Variants in CAMK2A observed in about 807,000 individuals in gnomAD.
CAMK2A encodes the protein calcium/calmodulin-dependent protein kinase type II subunit alpha.
Under a neutral mutation model 79.2 loss-of-function variants are expected in CAMK2A, and 7 were observed. That is an observed-to-expected ratio of 0.09 (90% CI 0.05 to 0.17). The LOEUF (loss-of-function observed/expected upper bound fraction) is 0.17, where lower values mean the gene tolerates loss of function less well. Ranked by LOEUF, CAMK2A falls within the 10% of genes least tolerant of loss-of-function variation. The pLI, the probability that CAMK2A is intolerant of heterozygous loss-of-function variation, is 1.00. For synonymous variants in CAMK2A, 242 were observed against 251.7 expected (o/e 0.96, Z 0.36); for missense variants, 214 against 646.4 (o/e 0.33, Z 7.25).
At chr5:150,257,444 C>A (rs1405232766) in intron 4 of CAMK2A, 119 bp downstream of exon 4, 10 of 857,900 alleles carry the variant, frequency 1.2e-5, no homozygotes, top group Non-Finnish European at 1.7e-5. Context: ...GGCAGGCCCA[C>A]CACATTTGGG....
chr5:150,270,002 C>T (rs1200600271), intron 2 of CAMK2A, among the ~76,000 whole-genome samples: 1 of 152,094 alleles, frequency 6.6e-6, no homozygotes, highest in African/African-American at 2.4e-5. Flanking sequence ...GAGAGTGGGG[C>T]CTGTGGAGGT....
intron 1 of CAMK2A, among the ~76,000 whole-genome samples, chr5:150,283,432 T>C (rs1757295688): frequency 1.3e-5 from 2 of 152,172 alleles, no homozygotes; most frequent in African/African-American, 4.8e-5. Context: ...TGGAGTGCAG[T>C]GGCATGATCA....
At chr5:150,279,169 C>T (rs529190935) in intron 1 of CAMK2A, among the ~76,000 whole-genome samples, 377 of 152,244 alleles carry the variant, frequency 2.5e-3, no homozygotes, top group African/African-American at 8.7e-3. Context: ...CTGTCCACTG[C>T]GGCAGCCACT....
chr5:150,239,863 C>T (rs560718986), intron 13 of CAMK2A, 127 bp from the exon 14 acceptor site: 38 of 816,406 alleles, frequency 4.7e-5, no homozygotes, highest in Admixed American at 1.7e-4. Flanking sequence ...AGTCCTTTGT[C>T]GGCTTGGCAT....
intron 15 of CAMK2A, among the ~76,000 whole-genome samples, chr5:150,233,676 A>G (rs1562141307): frequency 6.6e-6 from 1 of 152,150 alleles, no homozygotes; most frequent in Non-Finnish European, 1.5e-5. Context: ...CCTGGTAGCC[A>G]CTGTCCCTAG....
chr5:150,248,786 CA>C (rs1281800950), intron 11 of CAMK2A, among the ~76,000 whole-genome samples: 2 of 152,014 alleles, frequency 1.3e-5, no homozygotes. Flanking sequence ...AGTAGTGCCG[CA>C]ATAAATATAT....
chr5:150,226,901 A>T (rs1010765100), intron 17 of CAMK2A, among the ~76,000 whole-genome samples: 3 of 150,822 alleles, frequency 2.0e-5, no homozygotes, highest in Admixed American at 6.6e-5. Flanking sequence ...CCTCCCGAGC[A>T]GCTGGGATTA....
chr5:150,265,004 G>A lies in CAMK2A; in HGVS notation c.169C>T (p.Leu57=). 2 of 1,613,532 alleles carry A rather than the reference G, an allele frequency of 1.2e-6. No individual in the cohort carries two copies. The highest frequency in any genetic ancestry group is 1.1e-5 in the South Asian group (1 of 91,082). Residue 57 remains leucine, a synonymous_variant, in exon 3 of 19, where the codon CTG becomes TTG. Coordinates refer to ENST00000671881, the MANE Select transcript of CAMK2A (RefSeq NM_015981.4). ...CGGCAGATGCGGGCTTCACGCTCCAGCTTCTGATGGTCTGAAACACAGAGG... is the reference window on the plus strand; with the variant it reads ...CGGCAGATGCGGGCTTCACGCTCCAACTTCTGATGGTCTGAAACACAGAGG... ...KKLSARDHQK[L]EREARICRLL...
intron 7 of CAMK2A, among the ~76,000 whole-genome samples, chr5:150,252,326 T>C (rs1580924476): frequency 6.6e-6 from 1 of 152,154 alleles, no homozygotes; most frequent in African/African-American, 2.4e-5. Context: ...GAGCCAGTGG[T>C]AATCAGCCAC....
chr5:150,253,924 T>A (rs1422350083), intron 6 of CAMK2A, among the ~76,000 whole-genome samples: 1 of 152,226 alleles, frequency 6.6e-6, no homozygotes, highest in Non-Finnish European at 1.5e-5. Flanking sequence ...TTAAGTGTTC[T>A]GCGTGCATCA....
At chr5:150,257,918 A>G (rs1220865208) in intron 3 of CAMK2A, among the ~76,000 whole-genome samples, 1 of 152,214 alleles carries the variant, frequency 6.6e-6, no homozygotes, top group African/African-American at 2.4e-5. Flanking sequence ...GGCCCAAGTC[A>G]TGGAAAGCCT....
intron 15 of CAMK2A, among the ~76,000 whole-genome samples, chr5:150,234,841 T>C (rs1046406205): frequency 6.6e-4 from 100 of 152,224 alleles, no homozygotes; most frequent in African/African-American, 2.1e-3. Context: ...TCCTTCTCCT[T>C]TCAAGTTGAA....
chr5:150,256,460 C>T lies in CAMK2A; in HGVS notation c.411+113G>A. The T allele has an allele frequency of 1.4e-6, 1 of 724,076 alleles. No individual in the cohort carries two copies. The highest frequency in any genetic ancestry group is 2.4e-6 in the Non-Finnish European group (1 of 418,566). 44.9% of individuals were successfully genotyped at this position (724,076 alleles called of 1,614,324 possible). A position where few individuals can be genotyped will look rare whatever the true frequency, so the allele number is the denominator to read the frequency against. ...TAATCTCACCCACCCCACCTTCCAG[C>T]CTAACACAGAGAAATTAAAGCGATT... is the stretch of plus-strand genomic sequence containing the variant. On this transcript the variant is annotated intron_variant, in intron 6 of 18. Coordinates refer to ENST00000671881, the MANE Select transcript of CAMK2A (RefSeq NM_015981.4). This position sits in a 1 kb window ranked among gnomAD's most constrained non-coding sequence, Gnocchi z 4.6.
chr5:150,258,068 T>G (rs561426181), intron 3 of CAMK2A, among the ~76,000 whole-genome samples: 129 of 152,350 alleles, frequency 8.5e-4, no homozygotes, highest in Admixed American at 3.1e-3. Context: ...CCAGGAGGCA[T>G]GCAGTTGGTG....
intron 17 of CAMK2A, among the ~76,000 whole-genome samples, chr5:150,226,626 A>C (rs1754607540): frequency 6.8e-6 from 1 of 146,978 alleles, no homozygotes. Context: ...AATCCCAGCT[A>C]CTCAGGAGGC....
intron 2 of CAMK2A, among the ~76,000 whole-genome samples, chr5:150,266,162 A>T (rs1042591608): frequency 1.3e-5 from 2 of 152,024 alleles, no homozygotes; most frequent in Non-Finnish European, 2.9e-5. Context: ...ACTGCTGTGC[A>T]AGTCTCCTGG....
At chr5:150,264,154 G>A (rs1462519872) in intron 3 of CAMK2A, among the ~76,000 whole-genome samples, 1 of 152,152 alleles carries the variant, frequency 6.6e-6, no homozygotes, top group Non-Finnish European at 1.5e-5. Context: ...TGTTAGAACT[G>A]CAAAATCCTG....
At chr5:150,260,220 G>T (rs1756243606) in intron 3 of CAMK2A, among the ~76,000 whole-genome samples, 1 of 152,120 alleles carries the variant, frequency 6.6e-6, no homozygotes, top group African/African-American at 2.4e-5. Context: ...ACTTTGGGAG[G>T]CTGAGGCGGG....
rs548048677 is a variant in CAMK2A, at chr5:150,220,636, G to C, written c.*2074C>G. The stretch of plus-strand genomic sequence containing the variant: ...ACTGGCAGCTCAAAAGGGGACAGGT[G>C]GTTTTGCCCCTGGGATAATGGGATC... On this transcript the variant is annotated 3_prime_UTR_variant, in exon 19 of 19. Transcript: ENST00000671881. The C allele has an allele frequency of 1.3e-5, 2 of 152,330 alleles. No homozygotes were observed. Among genetic ancestry groups the C allele is most frequent in the Non-Finnish European group, 2.9e-5 (2 of 68,062 alleles). 9.4% of individuals were successfully genotyped at this position (152,330 alleles called of 1,614,324 possible).
Sources: gnomAD v4.1 joint callset for allele counts (sites outside exome capture counted in the v4.1 genomes callset) on GRCh38, gnomAD v4.1.1 for gene constraint, Gnocchi (gnomAD v3.1) non-coding constraint, MANE v1.5 for transcripts, NCBI Gene and HGNC (gene_info 2026-07-23, HGNC 2026-07-21) for gene names.